The following KLHL14 variants were observed in gnomAD, a reference collection of about 807,000 sequenced individuals.
KLHL14 encodes the protein kelch like family member 14.
KLHL14 carries 22 observed loss-of-function variants against 64.3 expected under a neutral mutation model. The observed-to-expected ratio is 0.34, with a 90% CI of 0.24 to 0.49. KLHL14 has a LOEUF of 0.49. Ranked by LOEUF, KLHL14 falls within the 20% of genes least tolerant of loss-of-function variation. The probability of loss-of-function intolerance (pLI) is 0.99; values close to 1 mark genes in which losing one functional copy is unlikely to be tolerated. For missense variants in KLHL14, 661 were observed against 789.0 expected, an observed-to-expected ratio of 0.84 and a Z score of 1.94; for synonymous variants, 322 against 333.4, an observed-to-expected ratio of 0.97 and a Z score of 0.37.
At chr18:32,700,222 A>G (rs774429014) in intron 3 of KLHL14, among the ~76,000 whole-genome samples, 13 of 152,172 alleles carry the variant, frequency 8.5e-5, no homozygotes, top group Admixed American at 2.6e-4. Context: ...AGACTTGCTA[A>G]ATAGATGGTT....
intron 5 of KLHL14, among the ~76,000 whole-genome samples, chr18:32,684,037 A>G (rs918482336): frequency 2.6e-5 from 4 of 151,984 alleles, no homozygotes; most frequent in Non-Finnish European, 4.4e-5. Flanking sequence ...TTCTTTTTCT[A>G]TTTTTTTAGA....
At chr18:32,767,651 C>A (rs895691285) in intron 2 of KLHL14, among the ~76,000 whole-genome samples, 3 of 152,160 alleles carry the variant, frequency 2.0e-5, no homozygotes, top group Non-Finnish European at 4.4e-5. Context: ...CCAGCAGGCA[C>A]TAGCTGGTGT....
At chr18:32,723,492 G>A (rs1240330855) in intron 3 of KLHL14, among the ~76,000 whole-genome samples, 4 of 152,104 alleles carry the variant, frequency 2.6e-5, no homozygotes, top group African/African-American at 7.2e-5. Context: ...CTTTTTCTGG[G>A]TCAGTGCAAG....
chr18:32,738,206 A>T (rs571483327), intron 3 of KLHL14: 1 of 152,280 alleles, frequency 6.6e-6, no homozygotes, highest in Admixed American at 6.5e-5. Flanking sequence ...TGTGGACTTC[A>T]TAAAAACTTT....
At chr18:32,713,126 A>G (rs1375057788) in intron 3 of KLHL14, among the ~76,000 whole-genome samples, 1 of 152,228 alleles carries the variant, frequency 6.6e-6, no homozygotes, top group African/African-American at 2.4e-5. Context: ...TTGTGCCACA[A>G]CTGCAGAGTT....
chr18:32,736,104 A>G (rs755709108), intron 3 of KLHL14, among the ~76,000 whole-genome samples: 4 of 152,174 alleles, frequency 2.6e-5, no homozygotes, highest in Non-Finnish European at 4.4e-5. Context: ...TTCTCTGGAG[A>G]AAAAACAATT....
chr18:32,684,376 G>T (rs1598547423), intron 5 of KLHL14, among the ~76,000 whole-genome samples: 1 of 152,102 alleles, frequency 6.6e-6, no homozygotes, highest in East Asian at 1.9e-4. Context: ...TATTCTTTTG[G>T]AAGGGTTGCC....
At position 32,770,427 on chromosome 18, in the gene KLHL14, C is replaced by G; in HGVS notation, c.165G>C (p.Ser55=). The part of the protein sequence containing the change: ...HCHKAVLASC[S]QYFRSLFSSH... ...TGGAGAAGAGCGATCGGAAGTACTG[C>G]GAGCAGGAGGCCAGCACGGCCTTGT... Residue 55 remains serine (S), a synonymous_variant, in exon 2 of 9, where the codon TCG becomes TCC. Transcript: ENST00000359358. This position sits in a 1 kb window ranked among gnomAD's most constrained non-coding sequence, Gnocchi z 6.7. The G allele has an allele frequency of 6.2e-7, 1 of 1,609,754 alleles. No individual in the cohort carries two copies.
chr18:32,724,042 AT>A (rs1269305659), intron 3 of KLHL14, among the ~76,000 whole-genome samples: 1 of 152,216 alleles, frequency 6.6e-6, no homozygotes, highest in Non-Finnish European at 1.5e-5. Flanking sequence ...TGGAAAAAAA[AT>A]ATCATGTTAG....
chr18:32,686,236 G>C (rs1341427923), intron 5 of KLHL14, among the ~76,000 whole-genome samples: 2 of 124,270 alleles, frequency 1.6e-5, no homozygotes, highest in Non-Finnish European at 3.2e-5. Context: ...TCACCATCTT[G>C]GCCAGGTTGG....
At position 32,696,599 on chromosome 18, in the gene KLHL14, C is replaced by T. The variant is rs2049937884; in HGVS notation, c.1070-1047G>A. ...CAGGCAGGGAACTTATTCCTTGACACGGATCAACAGAGCACTTAAGAAACC... is the reference window on the plus strand; with the variant it reads ...CAGGCAGGGAACTTATTCCTTGACATGGATCAACAGAGCACTTAAGAAACC... On this transcript the variant is annotated intron_variant, in intron 3 of 8. Transcript: ENST00000359358. Among the ~76,000 whole-genome samples the T allele has an allele frequency of 2.6e-5, 4 of 152,208 alleles. No individual in the cohort carries two copies. In the South Asian group the frequency reaches 8.3e-4, roughly 32 times the overall value.
At chr18:32,755,399 C>T (rs1250803654) in intron 2 of KLHL14, among the ~76,000 whole-genome samples, 2 of 152,142 alleles carry the variant, frequency 1.3e-5, no homozygotes, top group African/African-American at 4.8e-5. Context: ...GAATTATTCT[C>T]TAGTGCAAAT....
At position 32,770,947 on chromosome 18, in the gene KLHL14, T is replaced by C. The variant is rs915942952; in HGVS notation, c.-43-313A>G. 6.6e-6 allele frequency: 3 copies of C among 453,450 alleles called. No homozygotes were observed. The highest frequency in any genetic ancestry group is 8.6e-6 in the Non-Finnish European group (2 of 233,008). 28.1% of individuals were successfully genotyped at this position (453,450 alleles called of 1,614,324 possible). On this transcript the variant is annotated intron_variant, in intron 1 of 8. Transcript: ENST00000359358. This position sits in a 1 kb window ranked among gnomAD's most constrained non-coding sequence, Gnocchi z 6.7. Reference sequence around the variant, plus strand: ...AAAACCAACCACCTCAGCTCGGCTGTTGGCAGCAACAGCAGTGGCAGCAGC... The same window carrying C: ...AAAACCAACCACCTCAGCTCGGCTGCTGGCAGCAACAGCAGTGGCAGCAGC...
At chr18:32,717,855 C>A (rs1175301930) in intron 3 of KLHL14, among the ~76,000 whole-genome samples, 2 of 152,208 alleles carry the variant, frequency 1.3e-5, no homozygotes, top group East Asian at 3.9e-4. Flanking sequence ...TTTGACTTGA[C>A]ATACTGAAGA....
intron 2 of KLHL14, among the ~76,000 whole-genome samples, chr18:32,752,290 G>T (rs61191347): frequency 0.019 from 2,854 of 152,090 alleles, 86 homozygotes; most frequent in African/African-American, 0.064. Context: ...TTGTTTCAAG[G>T]TTCAGTCAGT....
chr18:32,755,403 T>A (rs554857907), intron 2 of KLHL14, among the ~76,000 whole-genome samples: 46 of 152,304 alleles, frequency 3.0e-4, no homozygotes, highest in African/African-American at 1.1e-3. Context: ...TATTCTCTAG[T>A]GCAAATTCTG....
chr18:32,736,148 A>G (rs2144524782), intron 3 of KLHL14, among the ~76,000 whole-genome samples: 1 of 152,322 alleles, frequency 6.6e-6, no homozygotes, highest in Non-Finnish European at 1.5e-5. Context: ...CCAGAAATAA[A>G]TGAGAGATGG....
intron 2 of KLHL14, among the ~76,000 whole-genome samples, chr18:32,768,426 CA>C (rs2050358456): frequency 6.6e-6 from 1 of 151,560 alleles, no homozygotes; most frequent in South Asian, 2.1e-4. Flanking sequence ...CACACACACA[CA>C]CACACCATTT....
chr18:32,754,072 C>T (rs955055199), intron 2 of KLHL14, among the ~76,000 whole-genome samples: 2 of 152,194 alleles, frequency 1.3e-5, no homozygotes, highest in Middle Eastern at 3.2e-3. Flanking sequence ...GGACAACCAA[C>T]ATGTGTGTGA....
Sources: gnomAD v4.1 joint callset for allele counts (sites outside exome capture counted in the v4.1 genomes callset) on GRCh38, gnomAD v4.1.1 for gene constraint, Gnocchi (gnomAD v3.1) non-coding constraint, MANE v1.5 for transcripts, NCBI Gene and HGNC (gene_info 2026-07-23, HGNC 2026-07-21) for gene names.